Variants in DIAPH3 observed in about 807,000 individuals in gnomAD.
DIAPH3 encodes protein diaphanous homolog 3.
A neutral mutation model predicts 144.3 loss-of-function variants in DIAPH3; 117 were observed. The ratio of observed to expected loss-of-function variants is 0.81; its 90% CI spans 0.70 to 0.95. The LOEUF is 0.95. Among genes scored for constraint, DIAPH3 ranks in the 40% least tolerant of loss-of-function variants. The probability of loss-of-function intolerance (pLI) is 0.00; values close to 1 mark genes in which losing one functional copy is unlikely to be tolerated. For synonymous variants in DIAPH3, 519 were observed against 488.9 expected (o/e 1.06, Z -0.81); for missense variants, 1,421 against 1,412.7 (o/e 1.01, Z -0.09).
intron 4 of DIAPH3, among the ~76,000 whole-genome samples, chr13:60,086,390 T>G (rs1248978177): frequency 6.6e-6 from 1 of 152,128 alleles, no homozygotes; most frequent in Non-Finnish European, 1.5e-5. Flanking sequence ...GCTAGATTAT[T>G]AGAAAATACT....
At chr13:60,074,286 G>T (rs1406113478) in intron 4 of DIAPH3, among the ~76,000 whole-genome samples, 1 of 152,158 alleles carries the variant, frequency 6.6e-6, no homozygotes, top group Non-Finnish European at 1.5e-5. Context: ...GCTCTCTGAA[G>T]TGCTATAGAC....
At chr13:59,765,529 C>T (rs970432212) in intron 27 of DIAPH3, among the ~76,000 whole-genome samples, 4 of 152,134 alleles carry the variant, frequency 2.6e-5, no homozygotes, top group African/African-American at 9.7e-5. Flanking sequence ...CACAGTCACC[C>T]TGATAGTAAG....
intron 5 of DIAPH3, among the ~76,000 whole-genome samples, chr13:60,042,265 C>T (rs1269751827): frequency 2.0e-5 from 3 of 152,050 alleles, no homozygotes; most frequent in African/African-American, 4.8e-5. Flanking sequence ...GTAAATATAG[C>T]AATACTAACC....
chr13:59,790,841 T>A (rs1488704086), intron 25 of DIAPH3, among the ~76,000 whole-genome samples: 1 of 151,990 alleles, frequency 6.6e-6, no homozygotes, highest in Non-Finnish European at 1.5e-5. Context: ...TGTGCTACAG[T>A]CTCAAGAGAA....
At chr13:59,874,555 C>T (rs1169558986) in intron 21 of DIAPH3, among the ~76,000 whole-genome samples, 8 of 152,274 alleles carry the variant, frequency 5.3e-5, no homozygotes, top group African/African-American at 1.7e-4. Flanking sequence ...TACTCCTCAA[C>T]GCCCATAGCC....
chr13:60,019,708 C>T (rs2053881587), intron 5 of DIAPH3, among the ~76,000 whole-genome samples: 1 of 151,628 alleles, frequency 6.6e-6, no homozygotes, highest in African/African-American at 2.4e-5. Flanking sequence ...CTTTGAAATT[C>T]AGTTACTACT....
At chr13:59,861,742 A>G (rs1031133256) in intron 21 of DIAPH3, among the ~76,000 whole-genome samples, 34 of 152,210 alleles carry the variant, frequency 2.2e-4, no homozygotes, top group African/African-American at 8.0e-4. Flanking sequence ...GTCGCAAAAA[A>G]GGAATAAGTT....
chr13:60,113,924 G>C (rs184281045), intron 2 of DIAPH3, among the ~76,000 whole-genome samples: 5 of 152,174 alleles, frequency 3.3e-5, no homozygotes, highest in Admixed American at 2.6e-4. Flanking sequence ...AACTGAATGC[G>C]GTAGTAAGCC....
intron 2 of DIAPH3, among the ~76,000 whole-genome samples, chr13:60,119,730 G>A (rs1172672167): frequency 8.9e-6 from 1 of 112,092 alleles, no homozygotes; most frequent in East Asian, 2.6e-4. Flanking sequence ...CTGGGCGACA[G>A]AGCGAGACTC....
Position 59,757,526 on chromosome 13 carries a change from G to A in DIAPH3, c.3319+16663C>T, listed in dbSNP as rs1157454261. 4.0e-5 allele frequency among the ~76,000 whole-genome samples: 6 copies of A among 148,808 alleles called. No homozygotes were observed. The East Asian group carries it at 8.3e-4, about 20-fold the overall frequency. On this transcript the variant is annotated intron_variant, in intron 27 of 27. Coordinates refer to ENST00000400324, the MANE Select transcript of DIAPH3 (RefSeq NM_001042517.2). The stretch of plus-strand genomic sequence containing the variant: ...CGCCATTCTCCTGCCTCAGCCTCCC[G>A]AGTAGCTGGGACTACAGGCGCCCGC...
chr13:59,858,427 T>C (rs1261599545), intron 22 of DIAPH3, among the ~76,000 whole-genome samples: 2 of 152,046 alleles, frequency 1.3e-5, no homozygotes, highest in East Asian at 3.9e-4. Context: ...TAAAGGCTTG[T>C]TAAGTTAGTG....
intron 4 of DIAPH3, among the ~76,000 whole-genome samples, chr13:60,074,320 C>A (rs1484618619): frequency 1.3e-5 from 2 of 152,096 alleles, no homozygotes; most frequent in Non-Finnish European, 2.9e-5. Flanking sequence ...CATTAACTAC[C>A]CCAAGTTTCT....
chr13:59,929,554 C>CTTTTTTTTTT (rs1167902415), intron 17 of DIAPH3, among the ~76,000 whole-genome samples: 3 of 56,090 alleles, frequency 5.3e-5, no homozygotes, highest in African/African-American at 7.2e-5. Context: ...AAATTTTGTT[C>CTTTTTTTTTT]TTTTTTTTTT....
intron 21 of DIAPH3, among the ~76,000 whole-genome samples, chr13:59,868,888 T>C (rs938294057): frequency 6.6e-6 from 1 of 152,206 alleles, no homozygotes; most frequent in African/African-American, 2.4e-5. Context: ...ATGTCTTCCA[T>C]TGGCTTAAAG....
At chr13:60,072,747 AAG>A (rs2141358177) in intron 4 of DIAPH3, among the ~76,000 whole-genome samples, 1 of 152,330 alleles carries the variant, frequency 6.6e-6, no homozygotes, top group South Asian at 2.1e-4. Flanking sequence ...TGACACTTAA[AAG>A]ATAACTAAAG....
intron 27 of DIAPH3, among the ~76,000 whole-genome samples, chr13:59,722,363 C>T (rs1432670613): frequency 1.3e-5 from 2 of 152,142 alleles, no homozygotes; most frequent in African/African-American, 4.8e-5. Flanking sequence ...GACTGACATT[C>T]AACATCCATT....
intron 21 of DIAPH3, among the ~76,000 whole-genome samples, chr13:59,870,167 T>A (rs2044170724): frequency 6.9e-6 from 1 of 144,792 alleles, no homozygotes; most frequent in African/African-American, 2.6e-5. Flanking sequence ...TCTGGCAACT[T>A]TTTTTTTTTT....
chr13:60,057,882 A>G (rs2056617122), intron 4 of DIAPH3, among the ~76,000 whole-genome samples: 1 of 151,968 alleles, frequency 6.6e-6, no homozygotes, highest in African/African-American at 2.4e-5. Flanking sequence ...CTCACAATAT[A>G]TAAAAATTAA....
chr13:59,823,686 G>C (rs558706121), intron 24 of DIAPH3, among the ~76,000 whole-genome samples: 1 of 152,192 alleles, frequency 6.6e-6, no homozygotes, highest in Non-Finnish European at 1.5e-5. Context: ...TTAGTGTTTT[G>C]ACATTCCTTT....
Sources: gnomAD v4.1 joint callset for allele counts (sites outside exome capture counted in the v4.1 genomes callset) on GRCh38, gnomAD v4.1.1 for gene constraint, MANE v1.5 for transcripts, NCBI Gene and HGNC (gene_info 2026-07-23, HGNC 2026-07-21) for gene names.